KLHL13: variants seen among roughly 807,000 people sequenced by gnomAD.
KLHL13 encodes the protein kelch-like protein 13.
In KLHL13, 10 loss-of-function variants were observed where a neutral mutation model predicts 37.1. The observed-to-expected ratio is 0.27, with a 90% CI of 0.17 to 0.46. The LOEUF (loss-of-function observed/expected upper bound fraction) is 0.46. Ranked by LOEUF, KLHL13 falls within the 20% of genes least tolerant of loss-of-function variation. The pLI, the probability that KLHL13 is intolerant of heterozygous loss-of-function variation, is 1.00. For synonymous variants in KLHL13, 163 were observed against 181.2 expected, an observed-to-expected ratio of 0.90 and a Z score of 0.81; for missense variants, 360 against 509.3, an observed-to-expected ratio of 0.71 and a Z score of 2.82.
At chrX:117,916,510 G>C (rs1194368440) in intron 4 of KLHL13, among the ~76,000 whole-genome samples, 2 of 112,226 alleles carry the variant, frequency 1.8e-5, no homozygotes, top group African/African-American at 6.5e-5. Flanking sequence ...GTTGGCTCTT[G>C]TTCCATTAAC....
At chrX:118,035,155 C>T (rs1331646751) in intron 1 of KLHL13, among the ~76,000 whole-genome samples, 3 of 105,587 alleles carry the variant, frequency 2.8e-5, no homozygotes, top group Non-Finnish European at 5.7e-5. Flanking sequence ...TCGGATTCTA[C>T]CAGAGGTACA....
intron 1 of KLHL13, among the ~76,000 whole-genome samples, chrX:117,964,597 C>CTT (rs776171464): frequency 0.015 from 1,705 of 111,048 alleles, 30 homozygotes; most frequent in African/African-American, 0.053. Flanking sequence ...TGAGCACTTT[C>CTT]TTTTTTTTAT....
At chrX:118,047,082 G>T (rs6603361) in intron 1 of KLHL13, among the ~76,000 whole-genome samples, 1 of 111,531 alleles carries the variant, frequency 9.0e-6, no homozygotes. Flanking sequence ...GTAAGAGAAG[G>T]GGGGATGATT....
intron 1 of KLHL13, among the ~76,000 whole-genome samples, chrX:118,099,286 A>G (rs1373981209): frequency 8.9e-6 from 1 of 111,811 alleles, no homozygotes; most frequent in Non-Finnish European, 1.9e-5. Flanking sequence ...AAAAAGTTGT[A>G]CAAATTTTCT....
At chrX:118,074,931 G>A (rs1488110999) in intron 1 of KLHL13, among the ~76,000 whole-genome samples, 1 of 111,658 alleles carries the variant, frequency 9.0e-6, no homozygotes, top group Non-Finnish European at 1.9e-5. Flanking sequence ...ATAGTATGGG[G>A]GAAATAATAC....
intron 1 of KLHL13, chrX:117,946,698 T>C: frequency 8.9e-6 from 1 of 112,473 alleles, no homozygotes; most frequent in East Asian, 2.8e-4. Flanking sequence ...TCTTCATTTT[T>C]TCTGTAATTT....
chrX:118,012,575 C>T (rs1214790089), intron 1 of KLHL13, among the ~76,000 whole-genome samples: 1 of 107,332 alleles, frequency 9.3e-6, no homozygotes, highest in Non-Finnish European at 1.9e-5. Context: ...GGATAATCTC[C>T]TCATCTCATA....
At chrX:118,105,783 C>T (rs932741179) in intron 1 of KLHL13, among the ~76,000 whole-genome samples, 1 of 110,307 alleles carries the variant, frequency 9.1e-6, no homozygotes, top group South Asian at 3.8e-4. Flanking sequence ...TTACTGAATC[C>T]AAAACTCATT....
chrX:118,077,704 T>A (rs1375184233), intron 1 of KLHL13, among the ~76,000 whole-genome samples: 1 of 111,020 alleles, frequency 9.0e-6, no homozygotes, highest in East Asian at 2.9e-4. Flanking sequence ...ACCACATAAC[T>A]TGGCCTGTTC....
intron 1 of KLHL13, among the ~76,000 whole-genome samples, chrX:118,038,798 A>G (rs1275599426): frequency 9.0e-6 from 1 of 111,493 alleles, no homozygotes; most frequent in Non-Finnish European, 1.9e-5. Flanking sequence ...TGGGGTGCAC[A>G]TGACCCAGTG....
chrX:118,092,150 A>G (rs1246341842), intron 1 of KLHL13, among the ~76,000 whole-genome samples: 1 of 111,929 alleles, frequency 8.9e-6, no homozygotes, highest in East Asian at 2.8e-4. Flanking sequence ...CTCAGAAATC[A>G]TCACTGAAGA....
At chrX:117,960,070 C>A (rs181127192) in intron 1 of KLHL13, among the ~76,000 whole-genome samples, 18 of 110,780 alleles carry the variant, frequency 1.6e-4, no homozygotes, top group African/African-American at 5.6e-4. Context: ...CAATCTAAAC[C>A]TTTTAAATTT....
intron 1 of KLHL13, among the ~76,000 whole-genome samples, chrX:118,111,768 T>C (rs1471761073): frequency 8.9e-6 from 1 of 112,040 alleles, no homozygotes; most frequent in Admixed American, 9.4e-5. Context: ...GGCACGCACC[T>C]GTAGTCCCAG....
intron 4 of KLHL13, among the ~76,000 whole-genome samples, chrX:117,916,024 G>A (rs1443386127): frequency 9.0e-6 from 1 of 111,725 alleles, no homozygotes; most frequent in African/African-American, 3.3e-5. Flanking sequence ...CAGGCACAGT[G>A]GTGCATGCCT....
intron 2 of KLHL13, among the ~76,000 whole-genome samples, chrX:117,944,608 CT>C (rs1391492689): frequency 1.8e-5 from 2 of 111,412 alleles, no homozygotes; most frequent in Non-Finnish European, 3.8e-5. Context: ...GGGGAGATTT[CT>C]TTTAAATATG....
chrX:117,905,318 T>C (rs112680332), intron 5 of KLHL13, among the ~76,000 whole-genome samples: 5 of 112,264 alleles, frequency 4.5e-5, no homozygotes, highest in African/African-American at 1.6e-4. Context: ...GAAGCCTCAA[T>C]AGAAGATTGA....
chrX:117,995,335 C>T (rs186865661), intron 1 of KLHL13, among the ~76,000 whole-genome samples: 111 of 112,246 alleles, frequency 9.9e-4, no homozygotes, highest in Admixed American at 1.7e-3. Context: ...TAACATCATC[C>T]TATTCCCCAT....
intron 5 of KLHL13, 102 bp from the exon 7 acceptor site, chrX:117,902,048 A>G: frequency 2.2e-6 from 1 of 455,940 alleles, no homozygotes; most frequent in African/African-American, 2.4e-5. Flanking sequence ...AACACTTGAA[A>G]CATATCTATT....
At chrX:117,908,632 TC>T (rs1331040897) in intron 5 of KLHL13, among the ~76,000 whole-genome samples, 2 of 111,872 alleles carry the variant, frequency 1.8e-5, no homozygotes, top group Admixed American at 1.9e-4. Context: ...GCCAAAGTAT[TC>T]TACATCAAAG....
Sources: gnomAD v4.1 joint callset for allele counts (sites outside exome capture counted in the v4.1 genomes callset) on GRCh38, gnomAD v4.1.1 for gene constraint, MANE v1.5 for transcripts, NCBI Gene and HGNC (gene_info 2026-07-23, HGNC 2026-07-21) for gene names.